IL15: variants seen among roughly 807,000 people sequenced by gnomAD.
IL15 encodes interleukin-15.
IL15 carries 11 observed loss-of-function variants against 19.6 expected under a neutral mutation model. The observed-to-expected ratio is 0.56, with a 90% CI of 0.35 to 0.93. IL15 has a LOEUF of 0.93. Among genes scored for constraint, IL15 ranks in the 40% least tolerant of loss-of-function variants. The pLI is 0.01. For synonymous variants in IL15, 58 were observed against 59.6 expected, an observed-to-expected ratio of 0.97 and a Z score of 0.12; for missense variants, 197 against 186.5, an observed-to-expected ratio of 1.06 and a Z score of -0.33.
At chr4:141,666,116 T>TTTATTTATTTA (rs1560908816) in intron 2 of IL15, among the ~76,000 whole-genome samples, 7 of 25,560 alleles carry the variant, frequency 2.7e-4, no homozygotes, top group Non-Finnish European at 3.1e-4. Context: ...TTATTTATTT[T>TTTATTTATTTA]TTGAGACGGA....
At chr4:141,658,005 G>A (rs1004165339) in intron 2 of IL15, among the ~76,000 whole-genome samples, 9 of 152,122 alleles carry the variant, frequency 5.9e-5, no homozygotes, top group African/African-American at 1.9e-4. Context: ...ACCATAAATT[G>A]AACAATGCAC....
At chr4:141,720,370 A>G (rs1182437775) in intron 3 of IL15, 99 bp from the exon 4 acceptor site, 3 of 649,404 alleles carry the variant, frequency 4.6e-6, no homozygotes, top group Non-Finnish European at 8.2e-6. Context: ...AATTATGACA[A>G]ACTTACATCT....
intron 1 of IL15, among the ~76,000 whole-genome samples, chr4:141,648,983 T>C (rs1431912982): frequency 6.6e-6 from 1 of 152,134 alleles, no homozygotes. Flanking sequence ...TTGATTCTCT[T>C]TAGGAACTTA....
intron 2 of IL15, among the ~76,000 whole-genome samples, chr4:141,674,619 GAA>G (rs1728280443): frequency 6.6e-6 from 1 of 151,816 alleles, no homozygotes; most frequent in African/African-American, 2.4e-5. Flanking sequence ...AAAAATCTCT[GAA>G]GTTTCATAAA....
intron 2 of IL15, among the ~76,000 whole-genome samples, chr4:141,700,443 A>C (rs1161131555): frequency 6.6e-6 from 1 of 152,182 alleles, no homozygotes; most frequent in African/African-American, 2.4e-5. Flanking sequence ...AGGTTTAAAT[A>C]TAGGGCCCCA....
chr4:141,713,839 GAAAT>G (rs1729786673), intron 2 of IL15, among the ~76,000 whole-genome samples: 4 of 152,106 alleles, frequency 2.6e-5, no homozygotes, highest in African/African-American at 9.7e-5. Flanking sequence ...CATATAGTTT[GAAAT>G]CCCTTGCCCC....
At position 141,721,992 on chromosome 4, in the gene IL15, T is replaced by C. The variant is rs761999055; in HGVS notation, c.179T>C (p.Ile60Thr). ...WVNVISDLKK[I>T]EDLIQSMHID... ...AATGTAATAAGTGATTTGAAAAAAA[T>C]TGAAGATCTTATTCAAGTGAGTACT... The change falls in exon 5 of 8, where the codon ATT (isoleucine) becomes ACT (threonine). Residue 60 changes from isoleucine (I) to threonine (T), a missense_variant. Transcript: ENST00000320650. The C allele has an allele frequency of 1.9e-6, 3 of 1,592,546 alleles. No individual in the cohort carries two copies. The highest frequency in any genetic ancestry group is 2.3e-5 in the South Asian group (2 of 88,706).
intron 1 of IL15, among the ~76,000 whole-genome samples, chr4:141,651,837 A>G (rs1727417761): frequency 6.6e-6 from 1 of 152,114 alleles, no homozygotes; most frequent in Admixed American, 6.6e-5. Context: ...GGAGCAAGAA[A>G]AAAGTTACTC....
At chr4:141,642,483 A>G (rs566907914) in intron 1 of IL15, among the ~76,000 whole-genome samples, 5 of 152,166 alleles carry the variant, frequency 3.3e-5, no homozygotes, top group Admixed American at 2.6e-4. Context: ...CTGGATTACC[A>G]TGGGTTACTG....
chr4:141,732,869 A>G lies in IL15; in HGVS notation c.*21A>G. The G allele has an allele frequency of 1.2e-6, 2 of 1,601,692 alleles. No individual in the cohort carries two copies. The highest frequency in any genetic ancestry group is 1.7e-6 in the Non-Finnish European group (2 of 1,176,250). On this transcript the variant is annotated 3_prime_UTR_variant, in exon 8 of 8. Coordinates refer to ENST00000320650, the MANE Select transcript of IL15 (RefSeq NM_000585.5). ...CTTGATTGCAATTGATTCTTTTTAA[A>G]GTGTTTCTGTTATTAACAAACATCA...
intron 2 of IL15, among the ~76,000 whole-genome samples, chr4:141,689,296 G>T (rs975333006): frequency 4.6e-5 from 7 of 152,110 alleles, no homozygotes; most frequent in Admixed American, 2.0e-4. Flanking sequence ...CTCTTATCTG[G>T]CCCCACCCAC....
intron 2 of IL15, among the ~76,000 whole-genome samples, chr4:141,671,583 G>T (rs773367498): frequency 7.9e-5 from 12 of 152,092 alleles, no homozygotes; most frequent in Non-Finnish European, 1.8e-4. Context: ...CCTGTCTGGT[G>T]CCTCGGTGAT....
At chr4:141,713,365 A>G (rs1729771002) in intron 2 of IL15, among the ~76,000 whole-genome samples, 1 of 152,194 alleles carries the variant, frequency 6.6e-6, no homozygotes, top group African/African-American at 2.4e-5. Flanking sequence ...TGGTGATTCA[A>G]ATCCATCAAC....
At chr4:141,702,660 A>G (rs1356392823) in intron 2 of IL15, among the ~76,000 whole-genome samples, 1 of 152,136 alleles carries the variant, frequency 6.6e-6, no homozygotes, top group African/African-American at 2.4e-5. Context: ...TTCTGCTGAG[A>G]GGTATTGTGA....
chr4:141,646,961 A>G (rs1486985227), intron 1 of IL15, among the ~76,000 whole-genome samples: 1 of 152,124 alleles, frequency 6.6e-6, no homozygotes, highest in Non-Finnish European at 1.5e-5. Context: ...TTAAAGCAAT[A>G]TTTAAAACAA....
chr4:141,680,024 C>T (rs1168070562), intron 2 of IL15, among the ~76,000 whole-genome samples: 1 of 152,264 alleles, frequency 6.6e-6, no homozygotes, highest in East Asian at 1.9e-4. Flanking sequence ...TCATTCAGTA[C>T]GTAGAGAACA....
chr4:141,727,934 T>C lies in IL15; in HGVS notation c.196-6T>C. The C allele has an allele frequency of 8.2e-7, 1 of 1,225,076 alleles. No individual in the cohort carries two copies. The highest frequency in any genetic ancestry group is 1.2e-6 in the Non-Finnish European group (1 of 847,310). The allele number at this position is 1,225,076 out of a possible 1,614,324, so 75.9% of individuals were successfully genotyped here. A position where few individuals can be genotyped will look rare whatever the true frequency, so the allele number is the denominator to read the frequency against. On this transcript the variant is annotated splice_polypyrimidine_tract_variant and splice_region_variant and intron_variant, in intron 5 of 7. Transcript: ENST00000320650. Reference sequence around the variant, plus strand: ...TTTAATATTGTCTAATTTTGTTTCCTTTCAGTCTATGCATATTGATGCTAC... The same window carrying C: ...TTTAATATTGTCTAATTTTGTTTCCCTTCAGTCTATGCATATTGATGCTAC...
chr4:141,712,316 A>G (rs1394237123), intron 2 of IL15, among the ~76,000 whole-genome samples: 1 of 152,134 alleles, frequency 6.6e-6, no homozygotes, highest in Non-Finnish European at 1.5e-5. Flanking sequence ...GTTTCCGGAC[A>G]GTAGGTTAAA....
chr4:141,649,489 G>T (rs1727334875), intron 1 of IL15, among the ~76,000 whole-genome samples: 1 of 152,030 alleles, frequency 6.6e-6, no homozygotes. Context: ...ACTTCCTATA[G>T]AGGGTGCTAC....
Sources: gnomAD v4.1 joint callset for allele counts (sites outside exome capture counted in the v4.1 genomes callset) on GRCh38, gnomAD v4.1.1 for gene constraint, MANE v1.5 for transcripts, NCBI Gene and HGNC (gene_info 2026-07-23, HGNC 2026-07-21) for gene names.